Variants in CDON observed in about 807,000 individuals in gnomAD.
The protein encoded by CDON is cell adhesion associated, oncogene regulated.
In CDON, 73 loss-of-function variants were observed where a neutral mutation model predicts 120.9. The observed-to-expected ratio is 0.60, with a 90% CI of 0.50 to 0.73. The LOEUF (loss-of-function observed/expected upper bound fraction) is 0.73. Among genes scored for constraint, CDON ranks in the 30% least tolerant of loss-of-function variants. The probability of loss-of-function intolerance (pLI) is 0.00; values close to 1 mark genes in which losing one functional copy is unlikely to be tolerated. For missense variants in CDON, 1,470 were observed against 1,587.3 expected, an observed-to-expected ratio of 0.93 and a Z score of 1.26; for synonymous variants, 566 against 573.5, an observed-to-expected ratio of 0.99 and a Z score of 0.19.
intron 1 of CDON, among the ~76,000 whole-genome samples, chr11:126,051,799 C>G (rs1565557436): frequency 6.6e-6 from 1 of 151,966 alleles, no homozygotes; most frequent in African/African-American, 2.4e-5. Context: ...AGGCACCCAC[C>G]ACCACGCCCA....
In CDON at chr11:125,969,579, G is replaced by C. The variant is rs532833098; in HGVS notation, c.3357-7581C>G. Among the ~76,000 whole-genome samples the C allele has an allele frequency of 3.2e-3, 488 of 152,252 alleles. 9 individuals are homozygous for C. Among genetic ancestry groups the C allele is most frequent in the Non-Finnish European group, 5.9e-4 (40 of 68,014 alleles). On this transcript the variant is annotated intron_variant, in intron 18 of 19. Transcript: ENST00000531738. ...ATTACTGGCTTAAGGTGGAATAAAA[G>C]TTTTTACTGAGTTTTCTCTAGCTCA...
intron 1 of CDON, among the ~76,000 whole-genome samples, chr11:126,062,220 A>G (rs140692362): frequency 2.9e-4 from 44 of 152,140 alleles, no homozygotes; most frequent in African/African-American, 8.2e-4. Flanking sequence ...AGATTGAGAG[A>G]GGCCAGGGAC....
At chr11:126,006,529 G>C (rs112890218) in intron 8 of CDON, among the ~76,000 whole-genome samples, 10 of 152,142 alleles carry the variant, frequency 6.6e-5, no homozygotes, top group African/African-American at 2.4e-4. Flanking sequence ...TTACCCAGGC[G>C]TGGTGGCGCA....
intron 1 of CDON, among the ~76,000 whole-genome samples, chr11:126,054,909 G>A (rs994212794): frequency 1.3e-5 from 2 of 152,120 alleles, no homozygotes; most frequent in Non-Finnish European, 2.9e-5. Flanking sequence ...GGAGAGATGC[G>A]TTTCCAGCCT....
At chr11:126,023,611 C>T (rs529702755) in intron 1 of CDON, 74 bp from the exon 2 acceptor site, 10 of 723,610 alleles carry the variant, frequency 1.4e-5, no homozygotes, top group East Asian at 2.6e-5. Flanking sequence ...GTGAGCATGA[C>T]GGCTGCCATC....
intron 1 of CDON, among the ~76,000 whole-genome samples, chr11:126,026,398 A>G (rs1303629225): frequency 6.6e-6 from 1 of 152,230 alleles, no homozygotes; most frequent in Non-Finnish European, 1.5e-5. Flanking sequence ...AAATCTAATG[A>G]CTGTGCTACA....
chr11:125,970,553 C>T lies in CDON; in HGVS notation c.3356+7751G>A, dbSNP rs540686037. On this transcript the variant is annotated intron_variant, in intron 18 of 19. Coordinates refer to ENST00000531738, the MANE Select transcript of CDON (RefSeq NM_001378964.1). ...ATTTTGCTGACCCAGCTCTTATTTT[C>T]GGGAGCTTATCAGTTACTACCTAAA... Among the ~76,000 whole-genome samples the T allele has an allele frequency of 1.1e-4, 17 of 152,274 alleles. No homozygotes were observed. In the South Asian group the frequency reaches 3.3e-3, roughly 30 times the overall value.
intron 15 of CDON, among the ~76,000 whole-genome samples, chr11:125,987,350 C>T (rs749398097): frequency 6.6e-6 from 1 of 152,150 alleles, no homozygotes; most frequent in Non-Finnish European, 1.5e-5. Context: ...GAAGGGAAAA[C>T]GGCCAGGCTT....
chr11:126,058,048 A>G (rs893416810), intron 1 of CDON, among the ~76,000 whole-genome samples: 5 of 152,258 alleles, frequency 3.3e-5, no homozygotes, highest in Non-Finnish European at 5.9e-5. Context: ...GAGCTGGTCT[A>G]CAACAAGAAT....
At chr11:125,990,789 G>A (rs1946611999) in intron 14 of CDON, among the ~76,000 whole-genome samples, 1 of 152,150 alleles carries the variant, frequency 6.6e-6, no homozygotes, top group Non-Finnish European at 1.5e-5. Context: ...CTCTTTTCAG[G>A]TCAACAGTAC....
At position 125,979,659 on chromosome 11, in the gene CDON, G is replaced by A. The variant is rs140686689; in HGVS notation, c.3277-1276C>T. Among the ~76,000 whole-genome samples the A allele has an allele frequency of 2.0e-4, 31 of 152,254 alleles. No individual in the cohort carries two copies. The East Asian group carries it at 3.9e-3, about 19-fold the overall frequency. On this transcript the variant is annotated intron_variant, in intron 17 of 19. Transcript: ENST00000531738. ...CATTGTTCAAAAAACCCAAGGTTCC[G>A]TGTTCAAACACTAAAGCGAACATGG...
intron 10 of CDON, among the ~76,000 whole-genome samples, chr11:126,003,575 C>G (rs1947020670): frequency 6.6e-6 from 1 of 152,192 alleles, no homozygotes; most frequent in African/African-American, 2.4e-5. Context: ...AATCCCAGCA[C>G]TTTGGGAGGC....
intron 4 of CDON, among the ~76,000 whole-genome samples, 191 bp downstream of exon 4, chr11:126,019,428 A>G (rs1591393313): frequency 6.6e-6 from 1 of 152,184 alleles, no homozygotes; most frequent in South Asian, 2.1e-4. Flanking sequence ...TGGGGGTCTG[A>G]AGGAACTGAG....
chr11:125,998,598 C>G (rs544432586), intron 11 of CDON, among the ~76,000 whole-genome samples: 14 of 152,274 alleles, frequency 9.2e-5, no homozygotes, highest in African/African-American at 3.1e-4. Flanking sequence ...AATTACCCAG[C>G]CTCACGTATT....
intron 4 of CDON, among the ~76,000 whole-genome samples, 178 bp from the exon 5 acceptor site, chr11:126,018,651 C>T (rs1462582538): frequency 6.6e-6 from 1 of 152,144 alleles, no homozygotes; most frequent in Non-Finnish European, 1.5e-5. Context: ...TCGCTACAGC[C>T]TGGAACTCCT....
At chr11:126,025,531 GGT>G (rs66968762) in intron 1 of CDON, among the ~76,000 whole-genome samples, 9 of 150,466 alleles carry the variant, frequency 6.0e-5, no homozygotes, top group South Asian at 2.1e-4. Flanking sequence ...GTTTGTGGGG[GGT>G]GTGTGTGTGT....
chr11:126,061,302 C>T (rs564301967), intron 1 of CDON, among the ~76,000 whole-genome samples: 18 of 152,294 alleles, frequency 1.2e-4, no homozygotes, highest in African/African-American at 4.1e-4. Flanking sequence ...ATAACAGAGA[C>T]TGCAGTATTT....
At position 126,005,805 on chromosome 11, in the gene CDON, T is replaced by C; in HGVS notation, c.1805A>G (p.Lys602Arg). The C allele has an allele frequency of 1.2e-6, 2 of 1,614,076 alleles. No individual in the cohort carries two copies. Among genetic ancestry groups the C allele is most frequent in the South Asian group, 2.2e-5 (2 of 91,078 alleles). Residue 602 changes from lysine to arginine, a missense_variant, in exon 9 of 20, where the codon AAG (lysine) becomes AGG (arginine). Lys to Arg is a conservative substitution (Grantham distance 26). Coordinates refer to ENST00000531738, the MANE Select transcript of CDON (RefSeq NM_001378964.1). ...AGCATTGATGGGCAGCCCACCATCC[T>C]TGCCTGCCCTCCACACCAGGTTGTA... ...DTYNLVWRAG[K>R]DGGLPINAYF...
chr11:126,012,872 G>A (rs2134644104), intron 7 of CDON, among the ~76,000 whole-genome samples: 1 of 152,310 alleles, frequency 6.6e-6, no homozygotes, highest in African/African-American at 2.4e-5. Context: ...AATTAACAAT[G>A]ATCTGGGTTC....
Sources: allele counts gnomAD v4.1 joint callset (sites outside exome capture counted in the v4.1 genomes callset), GRCh38; gene constraint gnomAD v4.1.1; transcripts MANE v1.5; gene names NCBI Gene and HGNC (gene_info 2026-07-23, HGNC 2026-07-21).